HECTD4: variants seen among roughly 807,000 people sequenced by gnomAD.
HECTD4 encodes the protein probable E3 ubiquitin-protein ligase HECTD4.
In HECTD4, 114 loss-of-function variants were observed where a neutral mutation model predicts 471.5. The observed-to-expected ratio is 0.24, with a 90% CI of 0.21 to 0.28. HECTD4 has a LOEUF of 0.28. Among genes scored for constraint, HECTD4 ranks in the 10% least tolerant of loss-of-function variants. HECTD4 has a pLI of 1.00. For synonymous variants in HECTD4, 2,012 were observed against 2,256.0 expected, an observed-to-expected ratio of 0.89 and a Z score of 3.07; for missense variants, 3,866 against 5,651.5, an observed-to-expected ratio of 0.68 and a Z score of 10.13.
intron 26 of HECTD4, 58 bp from the exon 27 acceptor site, chr12:112,248,229 T>C: frequency 2.6e-6 from 4 of 1,537,070 alleles, no homozygotes; most frequent in Non-Finnish European, 3.5e-6. Context: ...AAAATTTTAG[T>C]CACAATAGTA....
intron 32 of HECTD4, 27 bp from the exon 33 acceptor site, chr12:112,240,054 C>T: frequency 6.2e-7 from 1 of 1,611,270 alleles, no homozygotes; most frequent in Non-Finnish European, 8.5e-7. Flanking sequence ...AAAGCTCAGG[C>T]TTCCTGAACC....
chr12:112,354,654 C>A (rs1254317406), intron 1 of HECTD4, among the ~76,000 whole-genome samples: 3 of 152,042 alleles, frequency 2.0e-5, no homozygotes, highest in Non-Finnish European at 4.4e-5. Context: ...CCATTGCACA[C>A]CAGCTTGGGC....
intron 44 of HECTD4, among the ~76,000 whole-genome samples, chr12:112,221,741 GTTTTTC>G (rs1033272841): frequency 1.3e-5 from 2 of 151,058 alleles, no homozygotes; most frequent in Admixed American, 1.3e-4. Context: ...GCTGTCTCTT[GTTTTTC>G]TTTTTCTTTT....
chr12:112,197,217 C>T (rs1329044665), intron 55 of HECTD4, among the ~76,000 whole-genome samples: 1 of 152,166 alleles, frequency 6.6e-6, no homozygotes, highest in Non-Finnish European at 1.5e-5. Context: ...TGGCTATGAG[C>T]TTGTTTTGGG....
In HECTD4 at chr12:112,185,242, C is replaced by A. The variant is rs1421442049; in HGVS notation, c.9724G>T (p.Ala3242Ser). Residue 3242 changes from alanine to serine, a missense_variant, in exon 61 of 76, where the codon GCG (alanine) becomes TCG (serine). This residue lies in a region of HECTD4 where 364 missense variants were observed against 413.2 expected (regional missense o/e 0.88). Transcript: ENST00000682272. ...SGGACGGSGG[A>S]AAGDQGRFST... The stretch of plus-strand genomic sequence containing the variant: ...AACCTGCCCTGGTCACCGGCCGCCG[C>A]CCCCCCGGAGCCCCCGCAGGCGCCG... The A allele has an allele frequency of 6.5e-7, 1 of 1,549,296 alleles. No homozygotes were observed. The highest frequency in any genetic ancestry group is 8.7e-7 in the Non-Finnish European group (1 of 1,146,128).
At chr12:112,338,997 G>A (rs1401739866) in intron 1 of HECTD4, among the ~76,000 whole-genome samples, 1 of 152,104 alleles carries the variant, frequency 6.6e-6, no homozygotes, top group Non-Finnish European at 1.5e-5. Flanking sequence ...ATTTGGTAGG[G>A]ACATATATTC....
intron 25 of HECTD4, chr12:112,249,887 A>G: frequency 2.0e-6 from 1 of 488,416 alleles, no homozygotes; most frequent in East Asian, 3.9e-5. Flanking sequence ...CTTCTGATTC[A>G]ATAGGTGCAA....
chr12:112,275,080 T>C, intron 9 of HECTD4, 120 bp from the exon 10 acceptor site: 1 of 596,928 alleles, frequency 1.7e-6, no homozygotes, highest in Non-Finnish European at 2.9e-6. Flanking sequence ...TGTGTATTGG[T>C]GGTAATTGGT....
At position 112,169,631 on chromosome 12, in the gene HECTD4, TAGG is replaced by T. The variant is rs754214151; in HGVS notation, c.12077_12079del (p.Ser4026del). The T allele has an allele frequency of 3.2e-5, 51 of 1,613,424 alleles. No individual in the cohort carries two copies. Among genetic ancestry groups the T allele is most frequent in the Non-Finnish European group, 3.9e-5 (46 of 1,179,888 alleles). ...CAGCTGCCTGGCAGCCTGACAGAAG[TAGG>T]AGTTTTCAGAAGCTCTGATTTCCCC... On this transcript the variant is annotated inframe_deletion, in exon 70 of 76. Transcript: ENST00000682272.
chr12:112,187,837 A>G (rs964833162), intron 60 of HECTD4, among the ~76,000 whole-genome samples: 3 of 147,672 alleles, frequency 2.0e-5, no homozygotes, highest in South Asian at 2.2e-4. Context: ...TGTGTTAGCC[A>G]GGATGGTCTT....
chr12:112,266,130 G>C (rs936546497), intron 14 of HECTD4, 147 bp from the exon 15 acceptor site: 2 of 602,088 alleles, frequency 3.3e-6, no homozygotes, highest in East Asian at 5.6e-5. Flanking sequence ...TGGCAAAAAC[G>C]ACATCACAAC....
chr12:112,184,408 TG>T lies in HECTD4; in HGVS notation c.10557del (p.Ile3520SerfsTer75). The stretch of plus-strand genomic sequence containing the variant: ...TGGGGCTCCAACAGGCCCGGAGGGA[TG>T]GGCAGCTCGAGGCCGGCAGGCAGCG... ...VDPLPAGLELPIPPGLLEPHA... is the reference protein window; with the variant it reads ...VDPLPAGLELXIPPGLLEPHA... On this transcript the variant is annotated frameshift_variant, in exon 61 of 76. Coordinates refer to ENST00000682272, the MANE Select transcript of HECTD4 (RefSeq NM_001388303.1). LOFTEE classifies it high-confidence loss of function. The surrounding 1 kb of genome is among the most constrained non-coding windows in gnomAD (Gnocchi z 9.1). 6.2e-7 allele frequency: 1 copy of T among 1,607,176 alleles called. No homozygotes were observed.
intron 1 of HECTD4, among the ~76,000 whole-genome samples, chr12:112,329,373 T>G (rs1000012077): frequency 4.7e-5 from 7 of 149,742 alleles, no homozygotes; most frequent in Non-Finnish European, 8.9e-5. Flanking sequence ...GTTTTTTGTT[T>G]TTTTTTTTTT....
At chr12:112,334,803 T>A in intron 1 of HECTD4, among the ~76,000 whole-genome samples, 1 of 135,318 alleles carries the variant, frequency 7.4e-6, no homozygotes, top group Non-Finnish European at 1.5e-5. Context: ...AGAGTGAAAC[T>A]CTATCTCAAA....
chr12:112,226,086 C>G (rs1015807362), intron 44 of HECTD4, among the ~76,000 whole-genome samples: 1 of 152,060 alleles, frequency 6.6e-6, no homozygotes, highest in African/African-American at 2.4e-5. Flanking sequence ...GGTTGCAGCA[C>G]AGATAAAACA....
chr12:112,236,621 T>A (rs1219766233), intron 35 of HECTD4, among the ~76,000 whole-genome samples: 1 of 152,222 alleles, frequency 6.6e-6, no homozygotes, highest in African/African-American at 2.4e-5. Context: ...TCCTCTTTAA[T>A]CTTGCTACAA....
intron 1 of HECTD4, among the ~76,000 whole-genome samples, chr12:112,336,530 A>C (rs957061793): frequency 1.3e-5 from 2 of 152,092 alleles, no homozygotes; most frequent in African/African-American, 2.4e-5. Context: ...CTCAAAAAAA[A>C]AAAAATTCGC....
chr12:112,336,069 G>T (rs1233303391), intron 1 of HECTD4, among the ~76,000 whole-genome samples: 1 of 151,354 alleles, frequency 6.6e-6, no homozygotes, highest in African/African-American at 2.4e-5. Flanking sequence ...ATCCAAATAT[G>T]AATTTACAGA....
intron 1 of HECTD4, among the ~76,000 whole-genome samples, chr12:112,343,373 G>A (rs2036086973): frequency 6.6e-6 from 1 of 152,144 alleles, no homozygotes; most frequent in African/African-American, 2.4e-5. Flanking sequence ...AATTCAACAA[G>A]CTTTATGTAT....
Sources: gnomAD v4.1 joint callset for allele counts (sites outside exome capture counted in the v4.1 genomes callset) on GRCh38, gnomAD v4.1.1 for gene constraint, gnomAD v4.1.1 regional missense constraint, Gnocchi (gnomAD v3.1) non-coding constraint, MANE v1.5 for transcripts, NCBI Gene and HGNC (gene_info 2026-07-23, HGNC 2026-07-21) for gene names.